Variants in ADAMTSL1 observed in about 807,000 individuals in gnomAD.
ADAMTSL1 encodes ADAMTS like 1.
In ADAMTSL1, 126 loss-of-function variants were observed where a neutral mutation model predicts 201.8. That is an observed-to-expected ratio of 0.62 (90% confidence interval 0.54 to 0.72). The LOEUF is 0.72. Ranked by LOEUF, ADAMTSL1 falls within the 30% of genes least tolerant of loss-of-function variation. The probability of loss-of-function intolerance (pLI) is 0.00; values close to 1 mark genes in which losing one functional copy is unlikely to be tolerated. For missense variants in ADAMTSL1, 2,679 were observed against 2,277.8 expected, an observed-to-expected ratio of 1.18 and a Z score of -3.59; for synonymous variants, 1,121 against 903.4, an observed-to-expected ratio of 1.24 and a Z score of -4.32.
intron 2 of ADAMTSL1, among the ~76,000 whole-genome samples, chr9:18,272,816 C>G (rs541091053): frequency 6.6e-6 from 1 of 152,172 alleles, no homozygotes; most frequent in Non-Finnish European, 1.5e-5. Context: ...CTCCGTGAAG[C>G]CTTTCCTTAG....
intron 2 of ADAMTSL1, among the ~76,000 whole-genome samples, chr9:18,196,102 G>A (rs1424156943): frequency 2.0e-5 from 3 of 152,038 alleles, no homozygotes; most frequent in Non-Finnish European, 4.4e-5. Flanking sequence ...TCATTCCAGG[G>A]ACGTTGCCAT....
At chr9:18,192,780 G>C (rs1829020164) in intron 2 of ADAMTSL1, among the ~76,000 whole-genome samples, 1 of 152,090 alleles carries the variant, frequency 6.6e-6, no homozygotes. Flanking sequence ...CATGGTTTTA[G>C]AGAATGAAAG....
intron 1 of ADAMTSL1, among the ~76,000 whole-genome samples, chr9:17,988,296 G>A (rs1314093681): frequency 6.6e-6 from 1 of 152,060 alleles, no homozygotes; most frequent in African/African-American, 2.4e-5. Context: ...GAGTTCACAT[G>A]TTACTCTCTA....
chr9:18,500,921 A>G (rs934697504), intron 1 of ADAMTSL1, among the ~76,000 whole-genome samples: 26 of 152,212 alleles, frequency 1.7e-4, no homozygotes, highest in African/African-American at 5.1e-4. Flanking sequence ...AATTTCCAGC[A>G]GTGGGGTCAG....
intron 1 of ADAMTSL1, among the ~76,000 whole-genome samples, chr9:18,023,777 A>G (rs1189477680): frequency 2.0e-5 from 3 of 152,174 alleles, no homozygotes; most frequent in Non-Finnish European, 2.9e-5. Context: ...GTTTCTTGAA[A>G]GACTAATGAT....
At chr9:18,445,334 A>T (rs1820150223) in intron 2 of ADAMTSL1, among the ~76,000 whole-genome samples, 1 of 152,126 alleles carries the variant, frequency 6.6e-6, no homozygotes, top group Non-Finnish European at 1.5e-5. Flanking sequence ...GAACTCTTTG[A>T]CTTTGTTTGT....
intron 3 of ADAMTSL1, among the ~76,000 whole-genome samples, chr9:18,538,014 GAGGAGA>G (rs1248413853): frequency 6.6e-6 from 1 of 151,890 alleles, no homozygotes; most frequent in Non-Finnish European, 1.5e-5. Context: ...GGAGGAGGAG[GAGGAGA>G]AGGAGGAAGC....
intron 14 of ADAMTSL1, among the ~76,000 whole-genome samples, chr9:18,715,423 G>A (rs200505286): frequency 6.6e-6 from 1 of 151,654 alleles, no homozygotes; most frequent in Non-Finnish European, 1.5e-5. Flanking sequence ...AAAATCGCAA[G>A]CATTCTTATA....
intron 4 of ADAMTSL1, among the ~76,000 whole-genome samples, chr9:18,593,789 GTT>G (rs57398513): frequency 0.028 from 4,144 of 150,584 alleles, 122 homozygotes; most frequent in East Asian, 0.079. Flanking sequence ...ATTATTTCAG[GTT>G]TTTTTTTAAT....
intron 19 of ADAMTSL1, among the ~76,000 whole-genome samples, chr9:18,789,142 A>C (rs1821880997): frequency 6.6e-6 from 1 of 152,180 alleles, no homozygotes; most frequent in South Asian, 2.1e-4. Context: ...TCTTCACGAC[A>C]TCTAGAATTT....
chr9:18,073,434 A>G (rs565567516), intron 1 of ADAMTSL1, among the ~76,000 whole-genome samples: 1 of 152,332 alleles, frequency 6.6e-6, no homozygotes, highest in South Asian at 2.1e-4. Flanking sequence ...AGATATCTAA[A>G]GGGGGCACAA....
At chr9:18,906,936 T>A in intron 28 of ADAMTSL1, 24 bp downstream of exon 28, 2 of 1,612,970 alleles carry the variant, frequency 1.2e-6, no homozygotes, top group African/African-American at 2.7e-5. Flanking sequence ...CCAAAGAACC[T>A]TCTGCAAATT....
chr9:18,634,960 G>A (rs930297995), intron 5 of ADAMTSL1, among the ~76,000 whole-genome samples: 8 of 116,698 alleles, frequency 6.9e-5, no homozygotes, highest in Non-Finnish European at 1.3e-4. Context: ...AATCACACAG[G>A]GCTTCTGAAT....
Position 18,574,010 on chromosome 9 carries a change from T to C in ADAMTSL1, c.238-20T>C. 6.2e-7 allele frequency: 1 copy of C among 1,604,388 alleles called. No homozygotes were observed. The highest frequency in any genetic ancestry group is 8.5e-7 in the Non-Finnish European group (1 of 1,173,768). On this transcript the variant is annotated intron_variant, in intron 3 of 28. Coordinates refer to ENST00000380548, the MANE Select transcript of ADAMTSL1 (RefSeq NM_001040272.6). Reference sequence around the variant, plus strand: ...GTATCCTCCTAACCTTTGTATGTCCTTTCTCTCTTTTTTCTCCAGGACTGC... The same window carrying C: ...GTATCCTCCTAACCTTTGTATGTCCCTTCTCTCTTTTTTCTCCAGGACTGC...
chr9:18,681,698 G>GTGTTGGGA (rs66675938), intron 11 of ADAMTSL1, 114 bp from the exon 12 acceptor site: 119,613 of 320,874 alleles, frequency 0.37, 15,361 homozygotes, highest in Admixed American at 0.39. Context: ...GTCCTCGTGT[G>GTGTTGGGA]GGGGGGGGGG....
At chr9:18,596,709 G>A (rs970335546) in intron 4 of ADAMTSL1, among the ~76,000 whole-genome samples, 2 of 152,134 alleles carry the variant, frequency 1.3e-5, no homozygotes, top group Non-Finnish European at 1.5e-5. Flanking sequence ...ATTTTGTATT[G>A]TTGATTTATT....
Position 18,684,729 on chromosome 9 carries a change from C to T in ADAMTSL1, c.1503C>T (p.Val501=), listed in dbSNP as rs145382523. 126 of 1,612,884 alleles carry T rather than the reference C, an allele frequency of 7.8e-5. No individual in the cohort carries two copies. The African/African-American group carries it at 1.1e-3, about 15-fold the overall frequency. ...CTGAATTCTCAGAGAAACTTCCAGT[C>T]GAGGCCAAGTTGCCATGGTTCAAAC... ...PCYKPKEKLP[V]EAKLPWFKQA... Residue 501 remains valine (V), a synonymous_variant, in exon 13 of 29, where the codon GTC becomes GTT. Coordinates refer to ENST00000380548, the MANE Select transcript of ADAMTSL1 (RefSeq NM_001040272.6).
intron 2 of ADAMTSL1, among the ~76,000 whole-genome samples, chr9:18,358,483 A>G (rs1345576996): frequency 6.6e-6 from 1 of 152,188 alleles, no homozygotes; most frequent in Non-Finnish European, 1.5e-5. Context: ...TGTTTCCATT[A>G]TTCCAAAGAG....
At chr9:18,191,546 G>T (rs983111605) in intron 2 of ADAMTSL1, among the ~76,000 whole-genome samples, 1 of 152,174 alleles carries the variant, frequency 6.6e-6, no homozygotes, top group Non-Finnish European at 1.5e-5. Context: ...GACAGGACCT[G>T]AGCCCTTAGC....
Sources: allele counts gnomAD v4.1 joint callset (sites outside exome capture counted in the v4.1 genomes callset), GRCh38; gene constraint gnomAD v4.1.1; transcripts MANE v1.5; gene names NCBI Gene and HGNC (gene_info 2026-07-23, HGNC 2026-07-21).